Variants in MFAP1 observed in about 807,000 individuals in gnomAD.
MFAP1 encodes microfibrillar-associated protein 1.
Under a neutral mutation model 62.2 loss-of-function variants are expected in MFAP1, and 18 were observed. The observed-to-expected ratio is 0.29, with a 90% CI of 0.20 to 0.43. MFAP1 has a LOEUF of 0.43. MFAP1 is among the 20% of genes least tolerant of loss of function. MFAP1 has a pLI of 1.00. For synonymous variants in MFAP1, 175 were observed against 180.4 expected, an observed-to-expected ratio of 0.97 and a Z score of 0.24; for missense variants, 355 against 559.7, an observed-to-expected ratio of 0.63 and a Z score of 3.69.
intron 1 of MFAP1, among the ~76,000 whole-genome samples, chr15:43,821,215 A>C (rs976590910): frequency 2.0e-5 from 3 of 152,216 alleles, no homozygotes; most frequent in African/African-American, 7.2e-5. Flanking sequence ...CAAGGCTTTT[A>C]GGAGGAAAAA....
At chr15:43,807,705 C>A (rs988991893) in intron 7 of MFAP1, among the ~76,000 whole-genome samples, 10 of 152,120 alleles carry the variant, frequency 6.6e-5, no homozygotes, top group African/African-American at 2.4e-4. Context: ...CCCTTTCAAT[C>A]TTCTACCAAA....
Position 43,822,344 on chromosome 15 carries a change from G to A in MFAP1, c.79+2147C>T, listed in dbSNP as rs183332124. 2.0e-4 allele frequency among the ~76,000 whole-genome samples: 30 copies of A among 152,214 alleles called. No individual in the cohort carries two copies. In the East Asian group the frequency reaches 5.8e-3, roughly 29 times the overall value. ...CAAGTGTGTAGATGATGAATATATG[G>A]GAAATAAAGCTCTTAGGTTCTCAAA... On this transcript the variant is annotated intron_variant, in intron 1 of 8. Coordinates refer to ENST00000267812, the MANE Select transcript of MFAP1 (RefSeq NM_005926.3).
At chr15:43,817,728 C>T (rs1439332333) in intron 1 of MFAP1, among the ~76,000 whole-genome samples, 3 of 151,538 alleles carry the variant, frequency 2.0e-5, no homozygotes, top group Non-Finnish European at 4.4e-5. Flanking sequence ...AGAAAAAAGT[C>T]CCCCCCCAAA....
intron 6 of MFAP1, among the ~76,000 whole-genome samples, chr15:43,811,758 T>C (rs916677529): frequency 1.3e-5 from 2 of 152,030 alleles, no homozygotes; most frequent in Non-Finnish European, 2.9e-5. Context: ...TTCGCCTGCC[T>C]CAGCCACCCA....
chr15:43,815,881 G>A (rs1392374936), intron 2 of MFAP1, among the ~76,000 whole-genome samples: 1 of 152,060 alleles, frequency 6.6e-6, no homozygotes, highest in African/African-American at 2.4e-5. Flanking sequence ...TGATCCGCCT[G>A]CCTAGGCCTC....
At chr15:43,818,962 T>G (rs2087451227) in intron 1 of MFAP1, among the ~76,000 whole-genome samples, 1 of 152,032 alleles carries the variant, frequency 6.6e-6, no homozygotes, top group African/African-American at 2.4e-5. Context: ...AAAGCCAAGG[T>G]GGGCAGATCA....
chr15:43,822,726 C>T (rs562262950), intron 1 of MFAP1, among the ~76,000 whole-genome samples: 29 of 152,112 alleles, frequency 1.9e-4, no homozygotes, highest in Non-Finnish European at 3.5e-4. Flanking sequence ...AGTGTAATGG[C>T]ACAATCATAG....
At position 43,805,946 on chromosome 15, in the gene MFAP1, C is replaced by CTT. The variant is rs920691277; in HGVS notation, c.1048-483_1048-482dup. Among the ~76,000 whole-genome samples, 41 of 136,906 alleles carry CTT rather than the reference C, an allele frequency of 3.0e-4. 1 individual carries two copies. The highest frequency in any genetic ancestry group is 4.2e-4 in the East Asian group (2 of 4,740). 89.8% of individuals were successfully genotyped at this position (136,906 alleles called of 152,430 possible). Reference sequence around the variant, plus strand: ...TTCTTTTTCCTTTGTTGTATTTCTCCTTTTTTTTTTTTTTTTTCCCTGAGA... The same window carrying CTT: ...TTCTTTTTCCTTTGTTGTATTTCTCCTTTTTTTTTTTTTTTTTTTCCCTGAGA... On this transcript the variant is annotated intron_variant, in intron 7 of 8. Transcript: ENST00000267812.
In MFAP1 at chr15:43,824,610, CCAAA is replaced by C. The variant is rs965183178; in HGVS notation, c.-45_-42del. The C allele has an allele frequency of 2.5e-6, 4 of 1,605,624 alleles. No homozygotes were observed. Among genetic ancestry groups the C allele is most frequent in the Admixed American group, 1.7e-5 (1 of 59,934 alleles). On this transcript the variant is annotated 5_prime_UTR_variant, in exon 1 of 9. Coordinates refer to ENST00000267812, the MANE Select transcript of MFAP1 (RefSeq NM_005926.3). ...GGTGATTCCCGAAACTTGACTAATTCCAAACAGTGAACACCAGCAACGTCAACGA... is the reference window on the plus strand; with the variant it reads ...GGTGATTCCCGAAACTTGACTAATTCCAGTGAACACCAGCAACGTCAACGA...
intron 4 of MFAP1, among the ~76,000 whole-genome samples, chr15:43,813,596 C>T (rs577613054): frequency 2.7e-5 from 4 of 150,338 alleles, no homozygotes; most frequent in South Asian, 2.1e-4. Flanking sequence ...CTGCAACCTC[C>T]GCCTCCTGGG....
chr15:43,810,911 C>A (rs902583037), intron 6 of MFAP1, among the ~76,000 whole-genome samples: 2 of 151,844 alleles, frequency 1.3e-5, no homozygotes, highest in African/African-American at 4.8e-5. Context: ...TGTGTGCCAC[C>A]ATGCCCGACT....
chr15:43,812,035 C>T (rs983106220), intron 6 of MFAP1, among the ~76,000 whole-genome samples: 6 of 151,866 alleles, frequency 4.0e-5, no homozygotes, highest in Non-Finnish European at 7.4e-5. Flanking sequence ...ACTAAAAATA[C>T]GAAAATTAGC....
chr15:43,808,119 GATA>G (rs1459753759), intron 7 of MFAP1, among the ~76,000 whole-genome samples: 2 of 152,234 alleles, frequency 1.3e-5, no homozygotes, highest in African/African-American at 4.8e-5. Context: ...TAGCCTGAGT[GATA>G]ATATTACAAT....
Position 43,813,157 on chromosome 15 carries a change from G to T in MFAP1, c.727-10C>A, listed in dbSNP as rs746077647. ...TTTCCTCTTCGACAATCTGGATAGG[G>T]AGAACAATTCAGCTTGGACTTCCTT... On this transcript the variant is annotated splice_polypyrimidine_tract_variant and intron_variant, in intron 5 of 8. Coordinates refer to ENST00000267812, the MANE Select transcript of MFAP1 (RefSeq NM_005926.3). 6.2e-7 allele frequency: 1 copy of T among 1,614,014 alleles called. No homozygotes were observed. Among genetic ancestry groups the T allele is most frequent in the South Asian group, 1.1e-5 (1 of 91,058 alleles).
chr15:43,817,657 T>C (rs749490176), intron 1 of MFAP1, among the ~76,000 whole-genome samples: 5 of 152,082 alleles, frequency 3.3e-5, no homozygotes, highest in Non-Finnish European at 5.9e-5. Flanking sequence ...AAGCCAACAC[T>C]GATGATAATG....
chr15:43,808,968 A>AT lies in MFAP1; in HGVS notation c.1047+786dup, dbSNP rs1020446950. Among the ~76,000 whole-genome samples the AT allele has an allele frequency of 7.2e-5, 11 of 152,148 alleles. No individual in the cohort carries two copies. The East Asian group carries it at 1.3e-3, about 19-fold the overall frequency. ...CCATCTAATGGTTAGATAATAAACC[A>AT]TTTTTTTTGGTTAGTTACTCTTGGG... On this transcript the variant is annotated intron_variant, in intron 7 of 8. Transcript: ENST00000267812.
At chr15:43,806,831 C>T (rs1253859700) in intron 7 of MFAP1, among the ~76,000 whole-genome samples, 1 of 152,148 alleles carries the variant, frequency 6.6e-6, no homozygotes, top group Non-Finnish European at 1.5e-5. Context: ...GAGATCGCAC[C>T]ACTGCACTCC....
rs551705156 is a variant in MFAP1 at position 43,822,278 on chromosome 15, A to C, written c.79+2213T>G. Among the ~76,000 whole-genome samples the C allele has an allele frequency of 4.1e-4, 63 of 152,182 alleles. No individual in the cohort carries two copies. In the South Asian group the frequency reaches 7.9e-3, roughly 19 times the overall value. ...TTAGAATAATGAGATACCATTTCAC[A>C]CCTGTTAGATTGGGCAAAAAATGTA... is the stretch of plus-strand genomic sequence containing the variant. On this transcript the variant is annotated intron_variant, in intron 1 of 8. Transcript: ENST00000267812.
intron 7 of MFAP1, among the ~76,000 whole-genome samples, chr15:43,805,893 T>G (rs1415826732): frequency 1.3e-5 from 2 of 151,946 alleles, no homozygotes; most frequent in African/African-American, 4.8e-5. Context: ...ATTACAGGTG[T>G]GAACCACTGC....
Sources: allele counts gnomAD v4.1 joint callset (sites outside exome capture counted in the v4.1 genomes callset), GRCh38; gene constraint gnomAD v4.1.1; transcripts MANE v1.5; gene names NCBI Gene and HGNC (gene_info 2026-07-23, HGNC 2026-07-21).